The following TEX11 variants were observed in gnomAD, a reference collection of about 807,000 sequenced individuals.
TEX11 encodes testis expressed 11.
In TEX11, 7 loss-of-function variants were observed where a neutral mutation model predicts 84.4. The observed-to-expected ratio is 0.08, with a 90% CI of 0.05 to 0.16. The LOEUF (loss-of-function observed/expected upper bound fraction) is 0.16, where lower values mean the gene tolerates loss of function less well. Ranked by LOEUF, TEX11 falls within the 10% of genes least tolerant of loss-of-function variation. TEX11 has a pLI of 1.00. For missense variants in TEX11, 551 were observed against 660.5 expected (o/e 0.83, Z 1.82); for synonymous variants, 264 against 222.8 (o/e 1.18, Z -1.64).
intron 8 of TEX11, among the ~76,000 whole-genome samples, chrX:70,820,293 A>G (rs1332539569): frequency 1.8e-5 from 2 of 111,942 alleles, no homozygotes; most frequent in African/African-American, 6.5e-5. Flanking sequence ...CTTCAACATG[A>G]GTGCCAAGAA....
chrX:70,795,530 G>T (rs953535381), intron 9 of TEX11, among the ~76,000 whole-genome samples: 3 of 111,875 alleles, frequency 2.7e-5, no homozygotes, highest in Non-Finnish European at 3.8e-5. Context: ...GGCCTTGGGT[G>T]AGACCCAGTA....
intron 25 of TEX11, among the ~76,000 whole-genome samples, chrX:70,588,776 G>A (rs1307411250): frequency 9.0e-6 from 1 of 110,656 alleles, no homozygotes; most frequent in Non-Finnish European, 1.9e-5. Flanking sequence ...TCACTTAAAG[G>A]AAATATCTAG....
chrX:70,677,215 T>A (rs1010958570), intron 15 of TEX11, among the ~76,000 whole-genome samples: 2 of 111,958 alleles, frequency 1.8e-5, no homozygotes, highest in Non-Finnish European at 3.8e-5. Context: ...TTGGGATCAA[T>A]TTGATCCTTT....
intron 9 of TEX11, among the ~76,000 whole-genome samples, chrX:70,792,683 C>T (rs1309700207): frequency 1.8e-5 from 2 of 109,385 alleles, no homozygotes; most frequent in Admixed American, 9.9e-5. Flanking sequence ...GAAAGAAGAT[C>T]AACAACGACA....
At chrX:70,811,595 C>T (rs1315970965) in intron 8 of TEX11, among the ~76,000 whole-genome samples, 2 of 111,212 alleles carry the variant, frequency 1.8e-5, no homozygotes, top group African/African-American at 6.6e-5. Flanking sequence ...CCTGAGGAAT[C>T]GCCACACTGT....
At chrX:70,570,544 T>A (rs1297366729) in intron 25 of TEX11, among the ~76,000 whole-genome samples, 1 of 112,399 alleles carries the variant, frequency 8.9e-6, no homozygotes, top group Non-Finnish European at 1.9e-5. Context: ...TATTTGGCCA[T>A]CTTGGCTCCA....
At chrX:70,695,737 T>C (rs1275335554) in intron 13 of TEX11, among the ~76,000 whole-genome samples, 4 of 111,917 alleles carry the variant, frequency 3.6e-5, no homozygotes, top group Non-Finnish European at 7.5e-5. Flanking sequence ...ATTATAAATT[T>C]AGTGTCAACT....
At chrX:70,642,243 T>C (rs565834259) in intron 17 of TEX11, among the ~76,000 whole-genome samples, 2 of 111,632 alleles carry the variant, frequency 1.8e-5, no homozygotes, top group South Asian at 7.6e-4. Flanking sequence ...TCTGAATAGA[T>C]CAATAACAGG....
intron 25 of TEX11, among the ~76,000 whole-genome samples, chrX:70,579,452 G>A (rs1437903471): frequency 9.5e-5 from 10 of 105,677 alleles, no homozygotes; most frequent in East Asian, 6.0e-4. Flanking sequence ...AGCCGAGATC[G>A]CACCACTGCA....
chrX:70,556,550 T>A (rs1038988725), intron 25 of TEX11, among the ~76,000 whole-genome samples: 6 of 111,666 alleles, frequency 5.4e-5, no homozygotes, highest in African/African-American at 1.6e-4. Flanking sequence ...GTTCAGAATA[T>A]GGCTTACAAT....
the TEX11 span, among the ~76,000 whole-genome samples, chrX:70,519,934 C>T: frequency 1.8e-5 from 2 of 111,738 alleles, no homozygotes; most frequent in East Asian, 2.8e-4. Context: ...GCATGCGTCA[C>T]GTAGTTCTCA....
At position 70,853,332 on chromosome X, in the gene TEX11, G is replaced by C. The variant is rs775900503; in HGVS notation, c.325-4C>G. ...CTTTTCCTATTCTCATATTCATCTA[G>C]AAGAGAGAAATTAGAAAATAATTTT... On this transcript the variant is annotated splice_region_variant and splice_polypyrimidine_tract_variant and intron_variant, in intron 5 of 29. Coordinates refer to ENST00000374333, the MANE Select transcript of TEX11 (RefSeq NM_031276.3). The C allele has an allele frequency of 6.0e-6, 7 of 1,168,373 alleles. No homozygotes were observed. The East Asian group carries it at 2.1e-4, about 35-fold the overall frequency.
intron 4 of TEX11, among the ~76,000 whole-genome samples, chrX:70,869,593 A>G (rs763334113): frequency 8.9e-6 from 1 of 111,785 alleles, no homozygotes; most frequent in Non-Finnish European, 1.9e-5. Context: ...CCTAAGCAAC[A>G]TGGCAAAACC....
intron 7 of TEX11, among the ~76,000 whole-genome samples, chrX:70,847,079 G>A (rs780184187): frequency 9.0e-6 from 1 of 111,048 alleles, no homozygotes; most frequent in South Asian, 3.9e-4. Flanking sequence ...CCTCTAAGAT[G>A]GCATTGTTCG....
At chrX:70,642,199 C>G (rs1257553713) in intron 17 of TEX11, among the ~76,000 whole-genome samples, 1 of 111,993 alleles carries the variant, frequency 8.9e-6, no homozygotes, top group Non-Finnish European at 1.9e-5. Flanking sequence ...AACACATACA[C>G]TCTTCCAAGA....
At chrX:70,780,536 G>A (rs915628368) in intron 9 of TEX11, among the ~76,000 whole-genome samples, 3 of 112,043 alleles carry the variant, frequency 2.7e-5, no homozygotes, top group African/African-American at 9.7e-5. Context: ...GGGGGTCTGA[G>A]GACTTCCCTT....
At chrX:70,596,933 G>T (rs978209232) in intron 24 of TEX11, among the ~76,000 whole-genome samples, 2 of 111,243 alleles carry the variant, frequency 1.8e-5, no homozygotes, top group Admixed American at 1.9e-4. Context: ...AAAAGAGGAG[G>T]TATCACTACT....
At chrX:70,640,743 C>T (rs1324509600) in intron 17 of TEX11, among the ~76,000 whole-genome samples, 1 of 109,660 alleles carries the variant, frequency 9.1e-6, no homozygotes, top group Non-Finnish European at 1.9e-5. Flanking sequence ...ACCACCAGGC[C>T]TGCCCTAAAA....
At chrX:70,577,010 C>A (rs894303268) in intron 25 of TEX11, among the ~76,000 whole-genome samples, 13 of 111,360 alleles carry the variant, frequency 1.2e-4, no homozygotes, top group Non-Finnish European at 2.3e-4. Context: ...TTATGAGAAG[C>A]CCATAGCTGC....
Sources: gnomAD v4.1 joint callset for allele counts (sites outside exome capture counted in the v4.1 genomes callset) on GRCh38, gnomAD v4.1.1 for gene constraint, MANE v1.5 for transcripts, NCBI Gene and HGNC (gene_info 2026-07-23, HGNC 2026-07-21) for gene names.